The following NUDCD1 variants were observed in gnomAD, a reference collection of about 807,000 sequenced individuals.
NUDCD1 encodes NudC domain containing 1, also known as nudC domain-containing protein 1.
Under a neutral mutation model 67.8 loss-of-function variants are expected in NUDCD1, and 60 were observed. The ratio of observed to expected loss-of-function variants is 0.88; its 90% CI spans 0.72 to 1.10. The LOEUF (loss-of-function observed/expected upper bound fraction) is 1.10. Ranked by LOEUF, NUDCD1 falls within the 50% of genes least tolerant of loss-of-function variation. NUDCD1 has a pLI of 0.00. For missense variants in NUDCD1, 643 were observed against 695.0 expected, an observed-to-expected ratio of 0.93 and a Z score of 0.84; for synonymous variants, 244 against 230.8, an observed-to-expected ratio of 1.06 and a Z score of -0.52.
At chr8:109,290,715 A>G (rs754754548) in intron 4 of NUDCD1, among the ~76,000 whole-genome samples, 1 of 152,150 alleles carries the variant, frequency 6.6e-6, no homozygotes, top group African/African-American at 2.4e-5. Flanking sequence ...TTTGCTTTAA[A>G]AAGTACTCAA....
chr8:109,308,028 G>A (rs1258905498), intron 2 of NUDCD1, among the ~76,000 whole-genome samples: 2 of 151,984 alleles, frequency 1.3e-5, no homozygotes, highest in African/African-American at 4.8e-5. Context: ...TAATAGTGGG[G>A]GACTTCAATG....
chr8:109,293,559 C>G, intron 3 of NUDCD1, 35 bp from the exon 4 acceptor site: 1 of 1,204,062 alleles, frequency 8.3e-7, no homozygotes, highest in Non-Finnish European at 1.1e-6. Context: ...AAAAAGTGTA[C>G]ATAATTACAT....
intron 1 of NUDCD1, among the ~76,000 whole-genome samples, chr8:109,331,515 CAAAAAAAAA>C (rs59203626): frequency 1.5e-5 from 1 of 65,888 alleles, no homozygotes; most frequent in African/African-American, 5.2e-5. Context: ...GACTCAGACT[CAAAAAAAAA>C]AAAAAAAAAA....
At chr8:109,252,793 C>G (rs1666556326) in intron 8 of NUDCD1, among the ~76,000 whole-genome samples, 1 of 152,188 alleles carries the variant, frequency 6.6e-6, no homozygotes, top group Admixed American at 6.5e-5. Flanking sequence ...CCTGTAAGCT[C>G]AGCTTTCTGA....
intron 1 of NUDCD1, among the ~76,000 whole-genome samples, chr8:109,332,034 A>C (rs914571276): frequency 6.6e-6 from 1 of 152,136 alleles, no homozygotes; most frequent in Non-Finnish European, 1.5e-5. Context: ...TGACCTCAAC[A>C]ATTTCTTCTC....
intron 8 of NUDCD1, among the ~76,000 whole-genome samples, chr8:109,267,053 T>C (rs1814020095): frequency 6.6e-6 from 1 of 152,182 alleles, no homozygotes; most frequent in Non-Finnish European, 1.5e-5. Context: ...TACATATACG[T>C]TTATGCATTT....
chr8:109,327,602 T>C (rs191604237), intron 1 of NUDCD1, among the ~76,000 whole-genome samples: 6 of 152,292 alleles, frequency 3.9e-5, no homozygotes, highest in African/African-American at 1.4e-4. Context: ...ACCAAAACAT[T>C]GACAAGCTTC....
In NUDCD1 at chr8:109,296,373, C is replaced by T; in HGVS notation, c.459+11G>A. The T allele has an allele frequency of 6.2e-7, 1 of 1,609,818 alleles. No individual in the cohort carries two copies. Among genetic ancestry groups the T allele is most frequent in the Non-Finnish European group, 8.5e-7 (1 of 1,176,962 alleles). On this transcript the variant is annotated intron_variant, in intron 3 of 9. Transcript: ENST00000239690. ...TTCTGGACTTCGCATAAGTCTTAAA[C>T]AAACCCTCACCTCCCATTTTTCAGA...
At chr8:109,319,657 A>C (rs1049759450) in intron 2 of NUDCD1, among the ~76,000 whole-genome samples, 4 of 152,250 alleles carry the variant, frequency 2.6e-5, no homozygotes, top group Admixed American at 6.5e-5. Context: ...AGGATACAGC[A>C]CATGTCTCAG....
intron 9 of NUDCD1, among the ~76,000 whole-genome samples, chr8:109,244,412 G>A (rs933403303): frequency 2.0e-5 from 3 of 152,032 alleles, no homozygotes; most frequent in Admixed American, 1.3e-4. Flanking sequence ...GCTTTCTTCT[G>A]ACCAAAGTAT....
intron 8 of NUDCD1, 55 bp from the exon 9 acceptor site, chr8:109,245,536 A>T: frequency 7.2e-7 from 1 of 1,391,326 alleles, no homozygotes; most frequent in Non-Finnish European, 1.0e-6. Context: ...AATAGCAACA[A>T]TAACAATGGC....
rs761437193 is a variant in NUDCD1 at position 109,243,350 on chromosome 8, A to G, written c.1460-49T>C. ...AAAGAAAAACTATATATTAAACAGA[A>G]GGGGAAAAATGATGATTTAACATTT... On this transcript the variant is annotated intron_variant, in intron 9 of 9. Transcript: ENST00000239690. 44 of 1,412,294 alleles carry G rather than the reference A, an allele frequency of 3.1e-5. No individual in the cohort carries two copies. In the South Asian group the frequency reaches 4.9e-4, roughly 16 times the overall value. 87.5% of individuals were successfully genotyped at this position (1,412,294 alleles called of 1,614,324 possible). A position where few individuals can be genotyped will look rare whatever the true frequency, so the allele number is the denominator to read the frequency against.
chr8:109,283,173 C>T (rs973144226), intron 5 of NUDCD1, among the ~76,000 whole-genome samples: 8 of 152,164 alleles, frequency 5.3e-5, no homozygotes, highest in African/African-American at 1.9e-4. Flanking sequence ...TATCAACAGA[C>T]TGAACTGAGC....
Position 109,314,894 on chromosome 8 carries a change from G to A in NUDCD1, c.273+7415C>T, listed in dbSNP as rs146467912. 5.7e-3 allele frequency among the ~76,000 whole-genome samples: 863 copies of A among 151,962 alleles called. 5 individuals carry two copies. Among genetic ancestry groups the A allele is most frequent in the African/African-American group, 0.02 (812 of 41,480 alleles). On this transcript the variant is annotated intron_variant, in intron 2 of 9. Coordinates refer to ENST00000239690, the MANE Select transcript of NUDCD1 (RefSeq NM_032869.4). ...ATAAGTAGAGAATCTTTGAACTAAC[G>A]AAGTAGTTTTCTAATAAATATAGAT...
intron 8 of NUDCD1, among the ~76,000 whole-genome samples, chr8:109,261,677 A>C (rs1279989341): frequency 6.6e-6 from 1 of 152,154 alleles, no homozygotes; most frequent in Non-Finnish European, 1.5e-5. Flanking sequence ...AAAACATAAA[A>C]CACAAAAACA....
intron 2 of NUDCD1, chr8:109,313,961 C>G: frequency 2.5e-6 from 1 of 398,238 alleles, no homozygotes; most frequent in South Asian, 1.9e-5. Flanking sequence ...GCATTAATGA[C>G]AGTTAAAGTG....
At chr8:109,313,520 A>G (rs2130105597) in intron 2 of NUDCD1, among the ~76,000 whole-genome samples, 1 of 152,230 alleles carries the variant, frequency 6.6e-6, no homozygotes, top group South Asian at 2.1e-4. Context: ...GTATGAGAAA[A>G]TTTTCCCCTT....
intron 8 of NUDCD1, among the ~76,000 whole-genome samples, chr8:109,252,867 C>T (rs1187658411): frequency 1.3e-5 from 2 of 152,168 alleles, no homozygotes; most frequent in African/African-American, 4.8e-5. Context: ...ATGGGCGTGA[C>T]AATCTTTCCA....
chr8:109,309,128 A>G (rs573903777), intron 2 of NUDCD1, among the ~76,000 whole-genome samples: 9 of 152,284 alleles, frequency 5.9e-5, no homozygotes, highest in Admixed American at 1.3e-4. Flanking sequence ...GTATCACCCT[A>G]TTACCACAAC....
Sources: allele counts gnomAD v4.1 joint callset (sites outside exome capture counted in the v4.1 genomes callset), GRCh38; gene constraint gnomAD v4.1.1; transcripts MANE v1.5; gene names NCBI Gene and HGNC (gene_info 2026-07-23, HGNC 2026-07-21).